PRKG1: variants seen among roughly 807,000 people sequenced by gnomAD.
The protein encoded by PRKG1 is protein kinase cGMP-dependent 1.
PRKG1 carries 35 observed loss-of-function variants against 88.1 expected under a neutral mutation model. The observed-to-expected ratio is 0.40, with a 90% CI of 0.30 to 0.53. The LOEUF is 0.53. Ranked by LOEUF, PRKG1 falls within the 20% of genes least tolerant of loss-of-function variation. The pLI, the probability that PRKG1 is intolerant of heterozygous loss-of-function variation, is 0.59. For missense variants in PRKG1, 540 were observed against 839.8 expected, an observed-to-expected ratio of 0.64 and a Z score of 4.41; for synonymous variants, 303 against 292.5, an observed-to-expected ratio of 1.04 and a Z score of -0.37.
At chr10:51,867,378 T>A (rs1841043042) in intron 4 of PRKG1, among the ~76,000 whole-genome samples, 1 of 152,112 alleles carries the variant, frequency 6.6e-6, no homozygotes. Flanking sequence ...TGGTTGGATG[T>A]GTATTTAATA....
At chr10:51,184,105 A>T (rs1837421046) in intron 2 of PRKG1, among the ~76,000 whole-genome samples, 1 of 152,208 alleles carries the variant, frequency 6.6e-6, no homozygotes, top group South Asian at 2.1e-4. Flanking sequence ...AACAACATTT[A>T]CCTCAGTCTC....
chr10:51,278,928 G>A (rs540560397), intron 2 of PRKG1, among the ~76,000 whole-genome samples: 2 of 152,038 alleles, frequency 1.3e-5, no homozygotes, highest in South Asian at 2.1e-4. Context: ...TGATTTTTTT[G>A]AAGGGTTTTT....
intron 4 of PRKG1, among the ~76,000 whole-genome samples, chr10:51,884,645 T>C (rs539351593): frequency 9.9e-5 from 15 of 152,132 alleles, no homozygotes; most frequent in African/African-American, 3.6e-4. Flanking sequence ...GCTGAGGCCA[T>C]GCGTACACTG....
chr10:51,255,521 G>A (rs1839534972), intron 2 of PRKG1, among the ~76,000 whole-genome samples: 1 of 152,020 alleles, frequency 6.6e-6, no homozygotes, highest in Non-Finnish European at 1.5e-5. Flanking sequence ...GGTGTAGTAT[G>A]AAAGTTTCCC....
chr10:51,840,505 T>C (rs796303484), intron 4 of PRKG1, among the ~76,000 whole-genome samples: 1 of 150,770 alleles, frequency 6.6e-6, no homozygotes, highest in African/African-American at 2.4e-5. Flanking sequence ...TATGTCTTTA[T>C]TGAACCCTCT....
chr10:51,895,844 A>G (rs771047153), intron 4 of PRKG1, among the ~76,000 whole-genome samples: 1 of 152,018 alleles, frequency 6.6e-6, no homozygotes, highest in Non-Finnish European at 1.5e-5. Flanking sequence ...AAATTTCCCC[A>G]AGAGTGGGTT....
chr10:51,498,633 A>C (rs1191071414), intron 3 of PRKG1, among the ~76,000 whole-genome samples: 2 of 152,216 alleles, frequency 1.3e-5, no homozygotes, highest in Non-Finnish European at 2.9e-5. Flanking sequence ...ATGAATAAGT[A>C]GATAAGTGGT....
intron 2 of PRKG1, among the ~76,000 whole-genome samples, chr10:51,410,140 C>T (rs1477761648): frequency 6.6e-6 from 1 of 151,684 alleles, no homozygotes; most frequent in South Asian, 2.1e-4. Flanking sequence ...AGTCAGGGTT[C>T]TCTAGAGGGA....
chr10:51,809,101 G>T (rs981418846), intron 4 of PRKG1, among the ~76,000 whole-genome samples: 3 of 152,106 alleles, frequency 2.0e-5, no homozygotes, highest in African/African-American at 7.2e-5. Flanking sequence ...TCAAAGTTGG[G>T]TTTTATTTTT....
intron 4 of PRKG1, among the ~76,000 whole-genome samples, chr10:51,873,078 A>T (rs1841201542): frequency 6.6e-6 from 1 of 152,174 alleles, no homozygotes; most frequent in Non-Finnish European, 1.5e-5. Flanking sequence ...AATAATATCA[A>T]ATACCTAATT....
At chr10:51,345,233 A>C (rs1376464248) in intron 2 of PRKG1, among the ~76,000 whole-genome samples, 2 of 152,210 alleles carry the variant, frequency 1.3e-5, no homozygotes, top group Non-Finnish European at 1.5e-5. Flanking sequence ...TTCTTTGCTG[A>C]TGAGAATAAT....
intron 2 of PRKG1, among the ~76,000 whole-genome samples, chr10:51,241,249 C>G (rs12768316): frequency 0.016 from 2,412 of 151,360 alleles, 30 homozygotes; most frequent in Middle Eastern, 0.038. Context: ...TACCCCAAGA[C>G]AATAGTCACG....
chr10:51,178,251 T>C (rs549897140), intron 2 of PRKG1, among the ~76,000 whole-genome samples: 1 of 152,114 alleles, frequency 6.6e-6, no homozygotes. Context: ...ATATGTATTA[T>C]AAATCTTACA....
intron 3 of PRKG1, among the ~76,000 whole-genome samples, chr10:51,488,391 G>A (rs942337216): frequency 6.6e-6 from 1 of 152,112 alleles, no homozygotes; most frequent in Non-Finnish European, 1.5e-5. Context: ...CAATACAACA[G>A]TAGAAAGACA....
chr10:51,781,449 C>T (rs1838586348), intron 3 of PRKG1, among the ~76,000 whole-genome samples: 1 of 152,108 alleles, frequency 6.6e-6, no homozygotes, highest in Admixed American at 6.6e-5. Flanking sequence ...TCCCAGATTA[C>T]CTTTTTATAA....
chr10:52,062,740 T>A, intron 7 of PRKG1, 109 bp downstream of exon 7: 1 of 782,040 alleles, frequency 1.3e-6, no homozygotes, highest in Non-Finnish European at 2.3e-6. Flanking sequence ...CTTATCTCAA[T>A]ATCAAATATG....
At chr10:51,603,609 G>A (rs906324046) in intron 3 of PRKG1, among the ~76,000 whole-genome samples, 2 of 152,188 alleles carry the variant, frequency 1.3e-5, no homozygotes. Flanking sequence ...CATTTGTTCA[G>A]CAATTATGTG....
chr10:52,133,682 C>T (rs1837326527), intron 7 of PRKG1, among the ~76,000 whole-genome samples, 158 bp from the exon 8 acceptor site: 1 of 151,894 alleles, frequency 6.6e-6, no homozygotes, highest in African/African-American at 2.4e-5. Flanking sequence ...AAGATGATTC[C>T]TCAAAAAAAA....
chr10:51,115,516 A>G (rs1403964168), intron 1 of PRKG1, among the ~76,000 whole-genome samples: 1 of 150,472 alleles, frequency 6.6e-6, no homozygotes, highest in East Asian at 2.0e-4. Flanking sequence ...TAATAAATGA[A>G]TGTGAGGGGG....
Sources: allele counts gnomAD v4.1 joint callset (sites outside exome capture counted in the v4.1 genomes callset), GRCh38; gene constraint gnomAD v4.1.1; transcripts MANE v1.5; gene names NCBI Gene and HGNC (gene_info 2026-07-23, HGNC 2026-07-21).